Variants in B3GLCT observed in about 807,000 individuals in gnomAD.
B3GLCT encodes the protein beta 3-glucosyltransferase.
A neutral mutation model predicts 63.4 loss-of-function variants in B3GLCT; 65 were observed. That is an observed-to-expected ratio of 1.03 (90% CI 0.84 to 1.26). B3GLCT has a LOEUF of 1.26. Ranked by LOEUF, B3GLCT falls within the 50% of genes most tolerant of loss-of-function variation. B3GLCT has a pLI of 0.00. For missense variants in B3GLCT, 577 were observed against 604.8 expected (o/e 0.95, Z 0.48); for synonymous variants, 233 against 219.2 (o/e 1.06, Z -0.55).
At chr13:31,298,027 A>G (rs978405560) in intron 12 of B3GLCT, among the ~76,000 whole-genome samples, 5 of 152,080 alleles carry the variant, frequency 3.3e-5, no homozygotes, top group African/African-American at 1.2e-4. Context: ...GATTGATTAA[A>G]CCATTGGCCA....
chr13:31,237,289 A>G (rs935689400), intron 4 of B3GLCT, among the ~76,000 whole-genome samples: 4 of 152,010 alleles, frequency 2.6e-5, no homozygotes, highest in African/African-American at 9.7e-5. Context: ...TTCACAAAGC[A>G]TAGGGAGGCA....
At chr13:31,223,736 T>C (rs1361328910) in intron 3 of B3GLCT, among the ~76,000 whole-genome samples, 3 of 151,924 alleles carry the variant, frequency 2.0e-5, no homozygotes, top group Non-Finnish European at 2.9e-5. Flanking sequence ...CCTCCCAGGG[T>C]AGGAGGAATG....
intron 13 of B3GLCT, among the ~76,000 whole-genome samples, chr13:31,320,283 G>A (rs953823011): frequency 3.3e-5 from 5 of 152,164 alleles, no homozygotes; most frequent in African/African-American, 1.2e-4. Context: ...TTTAACAAGA[G>A]TCAAGTTGAT....
In B3GLCT at chr13:31,200,267, G is replaced by A. The variant is rs1868573725; in HGVS notation, c.70+113G>A. 2.7e-5 allele frequency: 13 copies of A among 489,286 alleles called. No homozygotes were observed. In the South Asian group the frequency reaches 1.1e-3, roughly 40 times the overall value. The allele number at this position is 489,286 out of a possible 1,614,324, so 30.3% of individuals were successfully genotyped here. Reference sequence around the variant, plus strand: ...GCGCAGGGCGGCCCAGCCCTGCCCCGCCGGCGCGCGCGTCCCGCCGTCCGG... The same window carrying A: ...GCGCAGGGCGGCCCAGCCCTGCCCCACCGGCGCGCGCGTCCCGCCGTCCGG... On this transcript the variant is annotated intron_variant, in intron 1 of 14. Transcript: ENST00000343307.
chr13:31,255,835 A>G (rs1054257298), intron 6 of B3GLCT, among the ~76,000 whole-genome samples: 1 of 152,250 alleles, frequency 6.6e-6, no homozygotes, highest in Non-Finnish European at 1.5e-5. Flanking sequence ...TAAAACCATA[A>G]AAACCTCAGA....
intron 1 of B3GLCT, among the ~76,000 whole-genome samples, chr13:31,205,297 C>T (rs1015711452): frequency 1.3e-5 from 2 of 151,020 alleles, no homozygotes; most frequent in Non-Finnish European, 1.5e-5. Flanking sequence ...TGGCTCACAC[C>T]TGTAATTTCA....
At chr13:31,218,378 A>T (rs1869660557) in intron 2 of B3GLCT, among the ~76,000 whole-genome samples, 1 of 151,618 alleles carries the variant, frequency 6.6e-6, no homozygotes, top group Admixed American at 6.6e-5. Flanking sequence ...TTAGTAGAGA[A>T]TTTCACTATG....
rs775568066 is a variant in B3GLCT at position 31,330,020 on chromosome 13, A to G, written c.*352A>G. 8 of 307,772 alleles carry G rather than the reference A, an allele frequency of 2.6e-5. No individual in the cohort carries two copies. Among genetic ancestry groups the G allele is most frequent in the Non-Finnish European group, 4.4e-5 (7 of 160,488 alleles). 19.1% of individuals were successfully genotyped at this position (307,772 alleles called of 1,614,324 possible). A position where few individuals can be genotyped will look rare whatever the true frequency, so the allele number is the denominator to read the frequency against. On this transcript the variant is annotated 3_prime_UTR_variant, in exon 15 of 15. Coordinates refer to ENST00000343307, the MANE Select transcript of B3GLCT (RefSeq NM_194318.4). ...TGTTCTGTCTCTTCATTGTAATGGA[A>G]GTTTCAGTTGGGCATGAGCCTGGAG...
At chr13:31,247,694 C>T (rs995785348) in intron 5 of B3GLCT, among the ~76,000 whole-genome samples, 161 bp from the exon 6 acceptor site, 1 of 152,052 alleles carries the variant, frequency 6.6e-6, no homozygotes. Flanking sequence ...TTTTTTAAAC[C>T]ATTAGCATCT....
chr13:31,204,380 C>G (rs939368965), intron 1 of B3GLCT, among the ~76,000 whole-genome samples: 3 of 152,084 alleles, frequency 2.0e-5, no homozygotes, highest in Admixed American at 6.5e-5. Flanking sequence ...TTATCGGATC[C>G]AAAATGCCAA....
chr13:31,203,580 C>T (rs1041435107), intron 1 of B3GLCT, among the ~76,000 whole-genome samples: 5 of 152,162 alleles, frequency 3.3e-5, no homozygotes, highest in African/African-American at 1.2e-4. Flanking sequence ...TTTTACTAGA[C>T]TCATTATGAA....
intron 13 of B3GLCT, among the ~76,000 whole-genome samples, chr13:31,319,381 C>G (rs1875214129): frequency 1.4e-5 from 1 of 72,174 alleles, no homozygotes. Flanking sequence ...GCTCAGCCTT[C>G]TAAGAGTCAT....
intron 12 of B3GLCT, among the ~76,000 whole-genome samples, chr13:31,309,371 G>A (rs943325980): frequency 5.3e-5 from 8 of 152,144 alleles, no homozygotes; most frequent in Non-Finnish European, 8.8e-5. Flanking sequence ...TTCCTGCTGG[G>A]TGTCCTCCAA....
rs542149902 is a variant in B3GLCT, at chr13:31,308,802, G to A, written c.1065-8764G>A. ...TCCCTTCTCCCACAGGTCACCACAG[G>A]TCTCAGAGGTACTTTCTGTTGTTCC... On this transcript the variant is annotated intron_variant, in intron 12 of 14. Coordinates refer to ENST00000343307, the MANE Select transcript of B3GLCT (RefSeq NM_194318.4). Among the ~76,000 whole-genome samples the A allele has an allele frequency of 3.3e-5, 5 of 152,196 alleles. No homozygotes were observed. The East Asian group carries it at 9.7e-4, about 29-fold the overall frequency.
intron 14 of B3GLCT, among the ~76,000 whole-genome samples, chr13:31,326,646 T>C (rs540341675): frequency 6.6e-6 from 1 of 152,270 alleles, no homozygotes; most frequent in South Asian, 2.1e-4. Flanking sequence ...CCACACTCTG[T>C]GTCTGTTCCT....
intron 12 of B3GLCT, among the ~76,000 whole-genome samples, chr13:31,295,468 A>G (rs1286525614): frequency 6.6e-6 from 1 of 152,156 alleles, no homozygotes; most frequent in African/African-American, 2.4e-5. Context: ...TTTTATGTAT[A>G]AGCCCCTGAC....
intron 10 of B3GLCT, among the ~76,000 whole-genome samples, chr13:31,278,599 A>T (rs2137865634): frequency 6.6e-6 from 1 of 152,316 alleles, no homozygotes; most frequent in Non-Finnish European, 1.5e-5. Flanking sequence ...TGTTTGTTTG[A>T]AAAGATAGTC....
At chr13:31,259,181 C>A (rs1222831218) in intron 6 of B3GLCT, among the ~76,000 whole-genome samples, 1 of 152,168 alleles carries the variant, frequency 6.6e-6, no homozygotes, top group East Asian at 1.9e-4. Context: ...TTAACCATAG[C>A]TGTTTAAAAG....
At position 31,200,053 on chromosome 13, in the gene B3GLCT, C is replaced by A. The variant is rs1868550148; in HGVS notation, c.-32C>A. 3 of 1,323,302 alleles carry A rather than the reference C, an allele frequency of 2.3e-6. No individual in the cohort carries two copies. Among genetic ancestry groups the A allele is most frequent in the Non-Finnish European group, 9.8e-7 (1 of 1,024,346 alleles). 82.0% of individuals were successfully genotyped at this position (1,323,302 alleles called of 1,614,324 possible). A position where few individuals can be genotyped will look rare whatever the true frequency, so the allele number is the denominator to read the frequency against. ...TCCCCGCGCGTCTCCCTTCCCCGCG[C>A]CCAGGTAGGGCGCTCAGCCTCCGCC... On this transcript the variant is annotated 5_prime_UTR_variant, in exon 1 of 15. Coordinates refer to ENST00000343307, the MANE Select transcript of B3GLCT (RefSeq NM_194318.4).
Sources: gnomAD v4.1 joint callset for allele counts (sites outside exome capture counted in the v4.1 genomes callset) on GRCh38, gnomAD v4.1.1 for gene constraint, MANE v1.5 for transcripts, NCBI Gene and HGNC (gene_info 2026-07-23, HGNC 2026-07-21) for gene names.